The following FRZB variants were observed in gnomAD, a reference collection of about 807,000 sequenced individuals.
The protein encoded by FRZB is secreted frizzled-related protein 3.
FRZB carries 34 observed loss-of-function variants against 32.5 expected under a neutral mutation model. The ratio of observed to expected loss-of-function variants is 1.05; its 90% confidence interval spans 0.80 to 1.39. The LOEUF (loss-of-function observed/expected upper bound fraction) is 1.39, where lower values mean the gene tolerates loss of function less well. Ranked by LOEUF, FRZB falls within the 40% of genes most tolerant of loss-of-function variation. The pLI is 0.00. For synonymous variants in FRZB, 170 were observed against 159.2 expected (o/e 1.07, Z -0.51); for missense variants, 423 against 424.8 (o/e 1.00, Z 0.04).
intron 2 of FRZB, among the ~76,000 whole-genome samples, chr2:182,855,216 T>C (rs947568966): frequency 6.6e-6 from 1 of 152,138 alleles, no homozygotes; most frequent in African/African-American, 2.4e-5. Flanking sequence ...CCATATAACT[T>C]TAAGTAAACA....
chr2:182,850,544 A>G (rs7605198), intron 2 of FRZB, among the ~76,000 whole-genome samples: 84,734 of 151,166 alleles, frequency 0.56, 23,927 homozygotes, highest in African/African-American at 0.6. Flanking sequence ...ATTTTCCTTC[A>G]AATGACAGGA....
At position 182,866,036 on chromosome 2, in the gene FRZB, C is replaced by T. The variant is rs113381325; in HGVS notation, c.478+39G>A. 6.6e-7 allele frequency: 1 copy of T among 1,504,604 alleles called. No homozygotes were observed. The highest frequency in any genetic ancestry group is 2.3e-5 in the East Asian group (1 of 44,064). The allele number at this position is 1,504,604 out of a possible 1,614,324, so 93.2% of individuals were successfully genotyped here. A position where few individuals can be genotyped will look rare whatever the true frequency, so the allele number is the denominator to read the frequency against. ...ACAAGGACTCCAAGAATTGAGGAGG[C>T]TGTAGGGTAAGGGAAGGGTGGGCCG... On this transcript the variant is annotated intron_variant, in intron 1 of 5. Coordinates refer to ENST00000295113, the MANE Select transcript of FRZB (RefSeq NM_001463.4). The surrounding 1 kb of genome is among the most constrained non-coding windows in gnomAD (Gnocchi z 4.5).
intron 2 of FRZB, 35 bp downstream of exon 2, chr2:182,858,751 A>G: frequency 1.3e-6 from 2 of 1,547,706 alleles, no homozygotes; most frequent in South Asian, 1.2e-5. Flanking sequence ...TAATCTGACC[A>G]CAAATGAAAA....
At chr2:182,853,188 T>A (rs537114660) in intron 2 of FRZB, among the ~76,000 whole-genome samples, 1 of 152,334 alleles carries the variant, frequency 6.6e-6, no homozygotes, top group East Asian at 1.9e-4. Context: ...GCCAGAGAAC[T>A]GGAAAACATT....
chr2:182,837,802 T>A (rs1054625576), intron 5 of FRZB, 146 bp downstream of exon 5: 12 of 622,148 alleles, frequency 1.9e-5, no homozygotes, highest in Non-Finnish European at 3.4e-5. Flanking sequence ...CAAATTCAGC[T>A]CTTGGAGTAT....
At chr2:182,859,272 C>G (rs1235390108) in intron 1 of FRZB, among the ~76,000 whole-genome samples, 1 of 151,904 alleles carries the variant, frequency 6.6e-6, no homozygotes, top group Middle Eastern at 3.2e-3. Context: ...CCTAAACGAA[C>G]ACTCAGAAAT....
At chr2:182,855,362 T>A (rs551437743) in intron 2 of FRZB, among the ~76,000 whole-genome samples, 17 of 152,160 alleles carry the variant, frequency 1.1e-4, no homozygotes, top group Non-Finnish European at 2.2e-4. Context: ...GACTTTACGG[T>A]AGCTATGATT....
At chr2:182,865,005 A>G (rs1198453285) in intron 1 of FRZB, among the ~76,000 whole-genome samples, 1 of 152,224 alleles carries the variant, frequency 6.6e-6, no homozygotes, top group Non-Finnish European at 1.5e-5. Flanking sequence ...TAAATGGACC[A>G]TAATGAAGTA....
intron 5 of FRZB, among the ~76,000 whole-genome samples, chr2:182,837,641 G>A (rs1178048822): frequency 6.6e-6 from 1 of 151,914 alleles, no homozygotes; most frequent in Non-Finnish European, 1.5e-5. Flanking sequence ...ATGGTAGAGT[G>A]ATAAGCTAGA....
intron 1 of FRZB, among the ~76,000 whole-genome samples, chr2:182,861,152 A>G (rs1019151151): frequency 3.9e-5 from 6 of 152,240 alleles, no homozygotes; most frequent in Admixed American, 3.9e-4. Flanking sequence ...GTACTTCAAA[A>G]TACAATGAGA....
At position 182,866,292 on chromosome 2, in the gene FRZB, G is replaced by T; in HGVS notation, c.261C>A (p.Phe87Leu). The change falls in exon 1 of 6, where the codon TTC becomes TTA. Residue 87 changes from phenylalanine to leucine, a missense_variant. Phe to Leu is a conservative substitution (Grantham distance 22). Coordinates refer to ENST00000295113, the MANE Select transcript of FRZB (RefSeq NM_001463.4). This position sits in a 1 kb window ranked among gnomAD's most constrained non-coding sequence, Gnocchi z 4.5. ...GTHCSPDLLF[F>L]LCAMYAPICT... The stretch of plus-strand genomic sequence containing the variant: ...AGATGGGCGCGTACATGGCACAGAG[G>T]AAGAAGAGCAGATCGGGGCTGCAGT... 1 of 1,614,242 alleles carries T rather than the reference G, an allele frequency of 6.2e-7. No individual in the cohort carries two copies. Among genetic ancestry groups the T allele is most frequent in the Non-Finnish European group, 8.5e-7 (1 of 1,180,054 alleles).
intron 2 of FRZB, among the ~76,000 whole-genome samples, chr2:182,851,683 A>C (rs1018541168): frequency 4.6e-5 from 7 of 152,158 alleles, no homozygotes; most frequent in Admixed American, 3.9e-4. Flanking sequence ...CAAAAAACAA[A>C]AAAAAAACAA....
At chr2:182,862,109 C>T (rs1488756469) in intron 1 of FRZB, among the ~76,000 whole-genome samples, 1 of 152,154 alleles carries the variant, frequency 6.6e-6, no homozygotes, top group Non-Finnish European at 1.5e-5. Context: ...ATTTGTAGAA[C>T]AGGGCTAAAG....
At chr2:182,863,774 G>A (rs1695860023) in intron 1 of FRZB, among the ~76,000 whole-genome samples, 1 of 152,184 alleles carries the variant, frequency 6.6e-6, no homozygotes, top group South Asian at 2.1e-4. Context: ...GCCACATGTG[G>A]TAGTTCCTAA....
At chr2:182,843,858 G>A (rs1235425733) in intron 2 of FRZB, among the ~76,000 whole-genome samples, 1 of 151,874 alleles carries the variant, frequency 6.6e-6, no homozygotes, top group Non-Finnish European at 1.5e-5. Flanking sequence ...TTGAGCCCTG[G>A]AAGTCAAAGC....
At chr2:182,862,639 A>C (rs1457366084) in intron 1 of FRZB, among the ~76,000 whole-genome samples, 1 of 152,280 alleles carries the variant, frequency 6.6e-6, no homozygotes, top group Non-Finnish European at 1.5e-5. Flanking sequence ...TAACCATTTC[A>C]AAAACAAAAT....
intron 1 of FRZB, among the ~76,000 whole-genome samples, chr2:182,863,354 T>A (rs562726899): frequency 6.6e-6 from 1 of 152,336 alleles, no homozygotes; most frequent in South Asian, 2.1e-4. Context: ...TATGCAAATA[T>A]AAAATGTGTA....
At chr2:182,840,975 T>C (rs1695579946) in intron 3 of FRZB, among the ~76,000 whole-genome samples, 1 of 152,144 alleles carries the variant, frequency 6.6e-6, no homozygotes, top group South Asian at 2.1e-4. Flanking sequence ...GTTTTTATTC[T>C]TAGTGTTACA....
intron 1 of FRZB, among the ~76,000 whole-genome samples, chr2:182,862,781 T>C (rs1015333390): frequency 3.7e-4 from 56 of 152,084 alleles, no homozygotes; most frequent in Non-Finnish European, 4.1e-4. Flanking sequence ...TTCTTTTTTT[T>C]TTTTTGAAAC....
Sources: allele counts gnomAD v4.1 joint callset (sites outside exome capture counted in the v4.1 genomes callset), GRCh38; gene constraint gnomAD v4.1.1; non-coding constraint Gnocchi (gnomAD v3.1); transcripts MANE v1.5; gene names NCBI Gene and HGNC (gene_info 2026-07-23, HGNC 2026-07-21).